NPSR1: variants seen among roughly 807,000 people sequenced by gnomAD.
The protein encoded by NPSR1 is neuropeptide S receptor 1.
NPSR1 carries 48 observed loss-of-function variants against 46.9 expected under a neutral mutation model. The observed-to-expected ratio is 1.02, with a 90% CI of 0.81 to 1.30. NPSR1 has a LOEUF of 1.30. NPSR1 is among the 50% of genes most tolerant of loss of function. The probability of loss-of-function intolerance (pLI) is 0.00; values close to 1 mark genes in which losing one functional copy is unlikely to be tolerated. For synonymous variants in NPSR1, 176 were observed against 168.1 expected, an observed-to-expected ratio of 1.05 and a Z score of -0.36; for missense variants, 450 against 449.5, an observed-to-expected ratio of 1.00 and a Z score of -0.01.
intron 3 of NPSR1, among the ~76,000 whole-genome samples, chr7:34,806,129 T>C (rs534731348): frequency 1.3e-5 from 2 of 152,214 alleles, no homozygotes; most frequent in East Asian, 3.9e-4. Flanking sequence ...AGCAGTTTCT[T>C]ACAAAACTAA....
intron 2 of NPSR1, among the ~76,000 whole-genome samples, chr7:34,729,319 TCAATC>T (rs1003885035): frequency 2.6e-5 from 4 of 152,070 alleles, no homozygotes; most frequent in African/African-American, 9.7e-5. Context: ...CAAAGCATAT[TCAATC>T]CCAGAGAGGG....
chr7:34,761,667 G>T lies in NPSR1; in HGVS notation c.281-16795G>T, dbSNP rs184286250. ...GCCTGCCTCTTGGATAAGTGAAAAT[G>T]GAACTCTCCTCTCCTTCTCTTGGAT... On this transcript the variant is annotated intron_variant, in intron 2 of 8. Coordinates refer to ENST00000360581, the MANE Select transcript of NPSR1 (RefSeq NM_207172.2). Among the ~76,000 whole-genome samples the T allele has an allele frequency of 5.7e-3, 855 of 150,096 alleles. 27 individuals carry two copies. Among genetic ancestry groups the T allele is most frequent in the Admixed American group, 0.042 (635 of 15,254 alleles).
At chr7:34,852,066 G>A (rs1288347213), downstream of NPSR1, among the ~76,000 whole-genome samples, 1 of 152,166 alleles carries the variant, frequency 6.6e-6, no homozygotes, top group African/African-American at 2.4e-5. Flanking sequence ...GGGAGGCTGA[G>A]GTGGGCGGAT....
chr7:34,745,518 C>G (rs2023486), intron 2 of NPSR1, among the ~76,000 whole-genome samples: 19,108 of 152,034 alleles, frequency 0.13, 1,475 homozygotes, highest in Non-Finnish European at 0.17. Context: ...AATATATTAT[C>G]TATTAATTTA....
intron 2 of NPSR1, among the ~76,000 whole-genome samples, chr7:34,720,973 A>G (rs1230968955): frequency 6.6e-6 from 1 of 152,200 alleles, no homozygotes; most frequent in East Asian, 1.9e-4. Context: ...TCAAAAGAAA[A>G]GGATATCTCT....
chr7:34,712,232 CAT>C (rs1783332940), intron 2 of NPSR1, among the ~76,000 whole-genome samples: 1 of 152,212 alleles, frequency 6.6e-6, no homozygotes, highest in Non-Finnish European at 1.5e-5. Flanking sequence ...AGCTCTAACA[CAT>C]GATATATACT....
intron 8 of NPSR1, among the ~76,000 whole-genome samples, chr7:34,875,969 G>A (rs1230690222): frequency 6.6e-6 from 1 of 152,128 alleles, no homozygotes; most frequent in African/African-American, 2.4e-5. Context: ...CAGAAACACT[G>A]TGGCTCCTTG....
intron 2 of NPSR1, among the ~76,000 whole-genome samples, chr7:34,725,841 G>A (rs117240447): frequency 0.028 from 4,250 of 152,240 alleles, 68 homozygotes; most frequent in African/African-American, 0.034. Flanking sequence ...GGGTGGTGCC[G>A]GGTGGAGATA....
intron 2 of NPSR1, among the ~76,000 whole-genome samples, chr7:34,764,906 C>T (rs955196130): frequency 6.6e-6 from 1 of 152,166 alleles, no homozygotes; most frequent in African/African-American, 2.4e-5. Flanking sequence ...TGTGGCTGAA[C>T]TGGGACAAAA....
rs138458528 is a variant in NPSR1 at position 34,782,478 on chromosome 7, T to C, written c.384+3913T>C. Among the ~76,000 whole-genome samples the C allele has an allele frequency of 3.2e-3, 493 of 152,212 alleles. 3 individuals are homozygous for C. Among genetic ancestry groups the C allele is most frequent in the Non-Finnish European group, 5.7e-3 (390 of 67,990 alleles). On this transcript the variant is annotated intron_variant, in intron 3 of 8. Transcript: ENST00000360581. ...CACTGCTTTGGCCACTGAGGATCCT[T>C]ATGATCTTTATCAACTCTGACCTGA...
intron 6 of NPSR1, among the ~76,000 whole-genome samples, chr7:34,836,656 A>G (rs1462908863): frequency 6.6e-6 from 1 of 150,920 alleles, no homozygotes; most frequent in Non-Finnish European, 1.5e-5. Flanking sequence ...AGAAAGAAAG[A>G]CAGAAAGAAG....
At chr7:34,683,308 G>C (rs562528936) in intron 1 of NPSR1, among the ~76,000 whole-genome samples, 5 of 151,918 alleles carry the variant, frequency 3.3e-5, no homozygotes, top group African/African-American at 1.2e-4. Flanking sequence ...TTCGCCGGGC[G>C]TGGTGGTGGG....
chr7:34,696,047 G>T (rs323906), intron 2 of NPSR1, among the ~76,000 whole-genome samples: 1 of 140,352 alleles, frequency 7.1e-6, no homozygotes, highest in African/African-American at 2.6e-5. Flanking sequence ...GTCAGGCAAT[G>T]AAGCTCAGTC....
At chr7:34,781,755 G>A (rs1787242189) in intron 3 of NPSR1, among the ~76,000 whole-genome samples, 1 of 152,112 alleles carries the variant, frequency 6.6e-6, no homozygotes, top group African/African-American at 2.4e-5. Context: ...TGGCCACCCT[G>A]GGAATGCCCA....
intron 2 of NPSR1, among the ~76,000 whole-genome samples, chr7:34,758,872 A>G (rs910371615): frequency 2.6e-5 from 4 of 152,200 alleles, no homozygotes; most frequent in African/African-American, 9.6e-5. Flanking sequence ...GTTGCCATGT[A>G]CGTTTAGTGT....
chr7:34,714,584 AGAT>A (rs1036192839), intron 2 of NPSR1, among the ~76,000 whole-genome samples: 44 of 152,348 alleles, frequency 2.9e-4, no homozygotes, highest in African/African-American at 1.1e-3. Context: ...CAGTTTCCAA[AGAT>A]GATAGATCTC....
intron 1 of NPSR1, among the ~76,000 whole-genome samples, chr7:34,676,577 G>A (rs576834424): frequency 6.6e-6 from 1 of 152,232 alleles, no homozygotes; most frequent in East Asian, 1.9e-4. Context: ...GAATAAAGGA[G>A]CAAGCAGCTG....
At chr7:34,689,834 G>T (rs323923) in intron 2 of NPSR1, among the ~76,000 whole-genome samples, 15,557 of 150,878 alleles carry the variant, frequency 0.1, 873 homozygotes, top group Middle Eastern at 0.14. Context: ...AGTCCCAGTT[G>T]CCAGGGAGGC....
chr7:34,714,107 T>A (rs1264268856), intron 2 of NPSR1, among the ~76,000 whole-genome samples: 2 of 152,254 alleles, frequency 1.3e-5, no homozygotes, highest in Non-Finnish European at 2.9e-5. Flanking sequence ...TGGTGCCAGC[T>A]GTCCGCTGGA....
Sources: gnomAD v4.1 joint callset for allele counts (sites outside exome capture counted in the v4.1 genomes callset) on GRCh38, gnomAD v4.1.1 for gene constraint, MANE v1.5 for transcripts, NCBI Gene and HGNC (gene_info 2026-07-23, HGNC 2026-07-21) for gene names.